Variants in ZC3H12B observed in about 807,000 individuals in gnomAD.
The protein encoded by ZC3H12B is zinc finger CCCH-type containing 12B.
In ZC3H12B, 7 loss-of-function variants were observed where a neutral mutation model predicts 43.9. The ratio of observed to expected loss-of-function variants is 0.16; its 90% CI spans 0.09 to 0.30. ZC3H12B has a LOEUF of 0.30. Among genes scored for constraint, ZC3H12B ranks in the 10% least tolerant of loss-of-function variants. The probability of loss-of-function intolerance (pLI) is 1.00; values close to 1 mark genes in which losing one functional copy is unlikely to be tolerated. For missense variants in ZC3H12B, 475 were observed against 670.2 expected, an observed-to-expected ratio of 0.71 and a Z score of 3.22; for synonymous variants, 222 against 241.7, an observed-to-expected ratio of 0.92 and a Z score of 0.76.
the ZC3H12B span, among the ~76,000 whole-genome samples, chrX:65,259,268 C>A: frequency 1.8e-5 from 2 of 111,676 alleles, no homozygotes; most frequent in Non-Finnish European, 3.8e-5. Context: ...TGCACACCTA[C>A]AACCATCCAA....
At chrX:65,409,860 T>A (rs1247817819) in intron 3 of ZC3H12B, among the ~76,000 whole-genome samples, 1 of 111,171 alleles carries the variant, frequency 9.0e-6, no homozygotes, top group Non-Finnish European at 1.9e-5. Flanking sequence ...ATTAGAAGAA[T>A]CAATATTGGT....
At chrX:65,319,699 G>A in the ZC3H12B span, among the ~76,000 whole-genome samples, 4 of 110,945 alleles carry the variant, frequency 3.6e-5, no homozygotes, top group Non-Finnish European at 7.6e-5. Flanking sequence ...ACCGAATCTA[G>A]CAGCACATCA....
chrX:65,230,611 C>CAAA, the ZC3H12B span, among the ~76,000 whole-genome samples: 6 of 49,335 alleles, frequency 1.2e-4, no homozygotes, highest in Admixed American at 5.3e-4. Context: ...CCCCCAGCGC[C>CAAA]AAAAAAAAAA....
At chrX:65,084,760 T>C in the ZC3H12B span, among the ~76,000 whole-genome samples, 1 of 112,779 alleles carries the variant, frequency 8.9e-6, no homozygotes, top group Non-Finnish European at 1.9e-5. Context: ...TTGCTGGGTA[T>C]ATACCCAAAT....
the ZC3H12B span, among the ~76,000 whole-genome samples, chrX:65,197,219 G>A: frequency 8.9e-6 from 1 of 111,789 alleles, no homozygotes; most frequent in African/African-American, 3.3e-5. Flanking sequence ...GGCTGGGGGA[G>A]GGAGCCAGCA....
chrX:65,196,289 A>G, the ZC3H12B span, among the ~76,000 whole-genome samples: 1 of 110,140 alleles, frequency 9.1e-6, no homozygotes, highest in Non-Finnish European at 1.9e-5. Context: ...GAAAGCTATG[A>G]AGGAAGCGTG....
the ZC3H12B span, among the ~76,000 whole-genome samples, chrX:65,218,595 A>G: frequency 8.2e-5 from 9 of 110,305 alleles, no homozygotes; most frequent in Non-Finnish European, 1.5e-4. Flanking sequence ...AGGCAGACAT[A>G]ATCTTCCTGG....
At chrX:65,312,116 AC>A in the ZC3H12B span, among the ~76,000 whole-genome samples, 1 of 111,859 alleles carries the variant, frequency 8.9e-6, no homozygotes, top group African/African-American at 3.3e-5. Context: ...TACATTGTGC[AC>A]CTGTATCCTA....
At chrX:65,098,251 C>CACAT in the ZC3H12B span, among the ~76,000 whole-genome samples, 1 of 110,342 alleles carries the variant, frequency 9.1e-6, no homozygotes, top group African/African-American at 3.3e-5. Context: ...CACACACACA[C>CACAT]ACACACACAA....
intron 3 of ZC3H12B, among the ~76,000 whole-genome samples, chrX:65,453,690 C>T (rs928210825): frequency 1.8e-5 from 2 of 108,531 alleles, no homozygotes; most frequent in African/African-American, 6.7e-5. Context: ...CCACCGCACT[C>T]GAGCCTCGAG....
At chrX:65,118,689 T>G in the ZC3H12B span, among the ~76,000 whole-genome samples, 1 of 110,264 alleles carries the variant, frequency 9.1e-6, no homozygotes, top group Non-Finnish European at 1.9e-5. Context: ...TTATGGTACA[T>G]GTGCACAACC....
chrX:65,457,599 C>A (rs1401278292), intron 3 of ZC3H12B, among the ~76,000 whole-genome samples: 1 of 81,304 alleles, frequency 1.2e-5, no homozygotes, highest in East Asian at 3.2e-4. Flanking sequence ...GCCATGATGA[C>A]AATGGCGGTT....
intron 2 of ZC3H12B, among the ~76,000 whole-genome samples, chrX:65,372,486 GGGAAGGAAGGAAGGAAA>G (rs1418348951): frequency 1.1e-5 from 1 of 94,928 alleles, no homozygotes; most frequent in Non-Finnish European, 2.1e-5. Flanking sequence ...AAGGGAGGAA[GGGAAGGAAGGAAGGAAA>G]GGAAGGAAGG....
At chrX:65,153,523 C>G in the ZC3H12B span, among the ~76,000 whole-genome samples, 1 of 112,303 alleles carries the variant, frequency 8.9e-6, no homozygotes, top group Non-Finnish European at 1.9e-5. Context: ...ATCAAAACCA[C>G]AATGAGATAC....
the ZC3H12B span, among the ~76,000 whole-genome samples, chrX:65,227,706 C>G: frequency 6.3e-5 from 7 of 110,647 alleles, no homozygotes; most frequent in Admixed American, 2.9e-4. Context: ...GGGATATCAC[C>G]ACCGATCCCA....
chrX:65,102,486 C>G, the ZC3H12B span, among the ~76,000 whole-genome samples: 1 of 111,944 alleles, frequency 8.9e-6, no homozygotes, highest in African/African-American at 3.2e-5. Flanking sequence ...TTAAGAAAGC[C>G]TGTCGTCTCA....
chrX:65,036,504 T>A, the ZC3H12B span, among the ~76,000 whole-genome samples: 2 of 111,545 alleles, frequency 1.8e-5, no homozygotes, highest in Non-Finnish European at 3.8e-5. Flanking sequence ...ATTGGGTGAA[T>A]CTGTCAAGAC....
chrX:65,228,795 A>G, the ZC3H12B span, among the ~76,000 whole-genome samples: 3 of 112,037 alleles, frequency 2.7e-5, no homozygotes, highest in Non-Finnish European at 5.6e-5. Flanking sequence ...TGCTTCAAAG[A>G]GAATAAAATA....
chrX:65,272,827 A>G, the ZC3H12B span: 7 of 112,269 alleles, frequency 6.2e-5, no homozygotes, highest in Admixed American at 4.7e-4. Context: ...CCTGAATCAC[A>G]TTTCTTCATT....
Sources: gnomAD v4.1 joint callset for allele counts (sites outside exome capture counted in the v4.1 genomes callset) on GRCh38, gnomAD v4.1.1 for gene constraint, MANE v1.5 for transcripts, NCBI Gene and HGNC (gene_info 2026-07-23, HGNC 2026-07-21) for gene names.